The following OSCP1 variants were observed in gnomAD, a reference collection of about 807,000 sequenced individuals.
The protein encoded by OSCP1 is organic solute carrier partner 1.
Under a neutral mutation model 45.1 loss-of-function variants are expected in OSCP1, and 35 were observed. That is an observed-to-expected ratio of 0.78 (90% CI 0.59 to 1.03). The LOEUF is 1.03. Ranked by LOEUF, OSCP1 falls within the 50% of genes least tolerant of loss-of-function variation. The pLI is 0.00. For synonymous variants in OSCP1, 179 were observed against 180.1 expected (o/e 0.99, Z 0.05); for missense variants, 400 against 470.7 (o/e 0.85, Z 1.39).
chr1:36,420,298 C>T (rs1647540370), intron 8 of OSCP1, 178 bp downstream of exon 8: 3 of 799,788 alleles, frequency 3.8e-6, no homozygotes, highest in East Asian at 2.9e-5. Context: ...TTGAATGACT[C>T]TGGAAGATTC....
intron 9 of OSCP1, 186 bp from the exon 10 acceptor site, chr1:36,418,441 T>A (rs934193643): frequency 1.6e-6 from 1 of 609,688 alleles, no homozygotes; most frequent in Non-Finnish European, 2.9e-6. Context: ...ATTTTTTTTC[T>A]TAATCAACAT....
In OSCP1 at chr1:36,431,888, A is replaced by G. The variant is rs762799410; in HGVS notation, c.436-6T>C. 8.1e-6 allele frequency: 13 copies of G among 1,612,030 alleles called. No individual in the cohort carries two copies. The South Asian group carries it at 1.3e-4, about 16-fold the overall frequency. ...GCAGAGAGACCACCATATATCTGCCAAAGGCAAGCAGAAAGCAGCACTTCA... is the reference window on the plus strand; with the variant it reads ...GCAGAGAGACCACCATATATCTGCCGAAGGCAAGCAGAAAGCAGCACTTCA... On this transcript the variant is annotated splice_region_variant and splice_polypyrimidine_tract_variant and intron_variant, in intron 3 of 9. Transcript: ENST00000235532.
At chr1:36,427,039 C>T (rs937441984) in intron 4 of OSCP1, among the ~76,000 whole-genome samples, 18 of 141,210 alleles carry the variant, frequency 1.3e-4, no homozygotes, top group African/African-American at 3.5e-4. Flanking sequence ...CTTGCTCTGT[C>T]GCCCAGGCTA....
intron 4 of OSCP1, 56 bp downstream of exon 4, chr1:36,431,746 G>T: frequency 6.4e-7 from 1 of 1,558,418 alleles, no homozygotes; most frequent in Non-Finnish European, 8.8e-7. Context: ...GACTACCAGG[G>T]TTGTTTCCCT....
intron 4 of OSCP1, among the ~76,000 whole-genome samples, chr1:36,431,108 T>C (rs1055609741): frequency 6.6e-6 from 1 of 152,162 alleles, no homozygotes; most frequent in African/African-American, 2.4e-5. Flanking sequence ...GGAGATTAGT[T>C]TAGCTACAGA....
At chr1:36,432,295 G>T in intron 3 of OSCP1, 127 bp downstream of exon 3, 2 of 1,153,170 alleles carry the variant, frequency 1.7e-6, no homozygotes, top group Non-Finnish European at 2.5e-6. Context: ...TTTTCAGAAT[G>T]TTCTGGGAGA....
At chr1:36,430,283 C>T (rs1458445330) in intron 4 of OSCP1, among the ~76,000 whole-genome samples, 1 of 152,100 alleles carries the variant, frequency 6.6e-6, no homozygotes, top group African/African-American at 2.4e-5. Flanking sequence ...TCAAGTGATC[C>T]GTCCACCTTG....
intron 5 of OSCP1, 89 bp from the exon 6 acceptor site, chr1:36,422,985 A>G (rs1443279843): frequency 1.9e-6 from 2 of 1,061,414 alleles, no homozygotes; most frequent in Non-Finnish European, 2.6e-6. Flanking sequence ...AGAACAAAAA[A>G]GGAATACATG....
At chr1:36,425,132 C>T (rs1647885962) in intron 4 of OSCP1, among the ~76,000 whole-genome samples, 1 of 150,434 alleles carries the variant, frequency 6.6e-6, no homozygotes, top group South Asian at 2.1e-4. Context: ...GAGATCATGC[C>T]ACTGCACTCC....
chr1:36,438,807 C>T lies in OSCP1; in HGVS notation c.216G>A (p.Glu72=). 1 of 1,614,144 alleles carries T rather than the reference C, an allele frequency of 6.2e-7. No homozygotes were observed. Residue 72 remains glutamate, a synonymous_variant, in exon 2 of 10, where the codon GAG becomes GAA. Coordinates refer to ENST00000235532, the MANE Select transcript of OSCP1 (RefSeq NM_145047.5). The stretch of plus-strand genomic sequence containing the variant: ...TCATAATGGAGGCATGAGCCAGGCG[C>T]TCATAGACAGTCCTCAGGGCCTTCT... The part of the protein sequence containing the change: ...YSKKALRTVY[E]RLAHASIMKL...
intron 6 of OSCP1, among the ~76,000 whole-genome samples, chr1:36,422,487 A>C (rs1647700612): frequency 6.6e-6 from 1 of 152,128 alleles, no homozygotes; most frequent in Non-Finnish European, 1.5e-5. Context: ...TACAGAACGG[A>C]TAAGTCTTTC....
At chr1:36,434,320 T>G (rs1648568425) in intron 2 of OSCP1, among the ~76,000 whole-genome samples, 1 of 152,222 alleles carries the variant, frequency 6.6e-6, no homozygotes, top group African/African-American at 2.4e-5. Context: ...ACTTGCCTAA[T>G]TTCATATTGC....
chr1:36,435,307 T>C (rs888890024), intron 2 of OSCP1, among the ~76,000 whole-genome samples: 2 of 151,842 alleles, frequency 1.3e-5, no homozygotes, highest in Non-Finnish European at 2.9e-5. Flanking sequence ...TATGGTTTTT[T>C]TTTTAATATG....
intron 2 of OSCP1, among the ~76,000 whole-genome samples, chr1:36,434,269 A>T (rs1420289474): frequency 6.6e-5 from 10 of 152,028 alleles, no homozygotes; most frequent in Admixed American, 5.9e-4. Context: ...CTTCACAAGA[A>T]CTCTATGAGG....
At chr1:36,448,224 C>T (rs2124051850) in intron 1 of OSCP1, among the ~76,000 whole-genome samples, 1 of 152,228 alleles carries the variant, frequency 6.6e-6, no homozygotes, top group South Asian at 2.1e-4. Flanking sequence ...CTGTAAGACT[C>T]TAGAGAGTAT....
chr1:36,419,411 C>T lies in OSCP1; in HGVS notation c.960-357G>A, dbSNP rs540222926. 53 of 230,858 alleles carry T rather than the reference C, an allele frequency of 2.3e-4. 1 individual carries two copies. The South Asian group carries it at 3.2e-3, about 14-fold the overall frequency. 14.3% of individuals were successfully genotyped at this position (230,858 alleles called of 1,614,324 possible). A position where few individuals can be genotyped will look rare whatever the true frequency, so the allele number is the denominator to read the frequency against. On this transcript the variant is annotated intron_variant, in intron 8 of 9. Coordinates refer to ENST00000235532, the MANE Select transcript of OSCP1 (RefSeq NM_145047.5). The stretch of plus-strand genomic sequence containing the variant: ...CACTGAAATAACTTATATCTGTACA[C>T]GTTCACTCTCCCACTAAGCTGAGAG...
In OSCP1 at chr1:36,422,902, A is replaced by G. The variant is rs1292670060; in HGVS notation, c.621-6T>C. 1.3e-6 allele frequency: 2 copies of G among 1,589,358 alleles called. No individual in the cohort carries two copies. Among genetic ancestry groups the G allele is most frequent in the Admixed American group, 1.7e-5 (1 of 57,454 alleles). ...CACCTTTGTTGTTGAACATTCTACA[A>G]TACAAAGTATGACATGATGGAATGT... On this transcript the variant is annotated splice_region_variant and splice_polypyrimidine_tract_variant and intron_variant, in intron 5 of 9. Transcript: ENST00000235532.
At position 36,436,016 on chromosome 1, in the gene OSCP1, A is replaced by G. The variant is rs12133351; in HGVS notation, c.267+2740T>C. On this transcript the variant is annotated intron_variant, in intron 2 of 9. Coordinates refer to ENST00000235532, the MANE Select transcript of OSCP1 (RefSeq NM_145047.5). ...GTCTGTCTCCCTGAGTCTTCTAAGT[A>G]CCAGTAATAAGTGAGTGCTGACTCT... 9.3e-3 allele frequency among the ~76,000 whole-genome samples: 1,418 copies of G among 152,026 alleles called. 7 individuals are homozygous for G. Among genetic ancestry groups the G allele is most frequent in the South Asian group, 0.038 (183 of 4,820 alleles).
chr1:36,425,365 T>C (rs1570507584), intron 4 of OSCP1, among the ~76,000 whole-genome samples: 2 of 152,128 alleles, frequency 1.3e-5, no homozygotes, highest in South Asian at 4.1e-4. Flanking sequence ...TTCCCTTTGG[T>C]AACCTGGGGG....
Sources: gnomAD v4.1 joint callset for allele counts (sites outside exome capture counted in the v4.1 genomes callset) on GRCh38, gnomAD v4.1.1 for gene constraint, MANE v1.5 for transcripts, NCBI Gene and HGNC (gene_info 2026-07-23, HGNC 2026-07-21) for gene names.